Variants in NELL1 observed in about 807,000 individuals in gnomAD.
The protein encoded by NELL1 is neural EGFL like 1, also known as protein kinase C-binding protein NELL1.
Under a neutral mutation model 107.4 loss-of-function variants are expected in NELL1, and 76 were observed. The observed-to-expected ratio is 0.71, with a 90% CI of 0.59 to 0.86. The LOEUF (loss-of-function observed/expected upper bound fraction) is 0.86. Ranked by LOEUF, NELL1 falls within the 40% of genes least tolerant of loss-of-function variation. NELL1 has a pLI of 0.00. For missense variants in NELL1, 1,024 were observed against 1,005.5 expected (o/e 1.02, Z -0.25); for synonymous variants, 353 against 341.2 (o/e 1.03, Z -0.38).
At chr11:20,833,487 A>C (rs958169506) in intron 3 of NELL1, among the ~76,000 whole-genome samples, 3 of 152,146 alleles carry the variant, frequency 2.0e-5, no homozygotes, top group Non-Finnish European at 4.4e-5. Context: ...ATTTATTCCA[A>C]AAATATTTAT....
At chr11:21,148,643 A>C (rs1261349152) in intron 13 of NELL1, among the ~76,000 whole-genome samples, 1 of 152,132 alleles carries the variant, frequency 6.6e-6, no homozygotes, top group Non-Finnish European at 1.5e-5. Context: ...CTGAAAGTTA[A>C]TTAGAGGAAA....
At chr11:21,271,836 G>T (rs1159722151) in intron 14 of NELL1, among the ~76,000 whole-genome samples, 1 of 152,184 alleles carries the variant, frequency 6.6e-6, no homozygotes, top group Non-Finnish European at 1.5e-5. Flanking sequence ...AAAATCATTT[G>T]AATTGATGTG....
intron 15 of NELL1, among the ~76,000 whole-genome samples, chr11:21,520,307 C>G (rs1855685856): frequency 1.3e-5 from 2 of 152,134 alleles, no homozygotes; most frequent in African/African-American, 4.8e-5. Context: ...GATTTTACCT[C>G]TTGCTCTAGG....
At chr11:20,686,042 A>G (rs766204341) in intron 2 of NELL1, among the ~76,000 whole-genome samples, 1 of 152,076 alleles carries the variant, frequency 6.6e-6, no homozygotes, top group African/African-American at 2.4e-5. Context: ...TAAGAATTCA[A>G]TGACTACATA....
intron 4 of NELL1, among the ~76,000 whole-genome samples, chr11:20,861,116 T>A (rs926310705): frequency 9.9e-5 from 15 of 152,194 alleles, no homozygotes; most frequent in Non-Finnish European, 1.5e-4. Context: ...CTTTAATTTT[T>A]AAAAATTATG....
intron 15 of NELL1, among the ~76,000 whole-genome samples, chr11:21,396,920 G>T (rs1464246856): frequency 6.6e-6 from 1 of 151,690 alleles, no homozygotes; most frequent in Non-Finnish European, 1.5e-5. Flanking sequence ...AGCTAGGTGG[G>T]ATTGTACTTA....
At chr11:20,714,964 A>C (rs898275976) in intron 2 of NELL1, among the ~76,000 whole-genome samples, 12 of 152,184 alleles carry the variant, frequency 7.9e-5, no homozygotes, top group African/African-American at 9.6e-5. Context: ...AAATTATAGG[A>C]CGGGAGCGGT....
intron 1 of NELL1, among the ~76,000 whole-genome samples, chr11:20,671,801 A>G (rs1380722491): frequency 6.6e-6 from 1 of 152,046 alleles, no homozygotes; most frequent in Non-Finnish European, 1.5e-5. Context: ...GTAGGAGTAT[A>G]AGTTTGTATT....
intron 3 of NELL1, among the ~76,000 whole-genome samples, chr11:20,839,559 C>T (rs753021308): frequency 6.6e-5 from 10 of 152,250 alleles, no homozygotes; most frequent in Non-Finnish European, 1.3e-4. Context: ...GTGTTGGATA[C>T]TAGGCAGTTT....
intron 12 of NELL1, among the ~76,000 whole-genome samples, chr11:21,077,450 A>G (rs1854164418): frequency 6.6e-6 from 1 of 152,182 alleles, no homozygotes; most frequent in South Asian, 2.1e-4. Context: ...AAAATTCAAG[A>G]GCAGAATTAG....
At chr11:20,887,659 T>G (rs2134110548) in intron 5 of NELL1, among the ~76,000 whole-genome samples, 1 of 152,258 alleles carries the variant, frequency 6.6e-6, no homozygotes, top group Non-Finnish European at 1.5e-5. Flanking sequence ...AAAATAATAC[T>G]TCCCAGAGAA....
Position 20,731,695 on chromosome 11 carries a change from C to T in NELL1, c.185-51985C>T, listed in dbSNP as rs116161482. On this transcript the variant is annotated intron_variant, in intron 2 of 19. Coordinates refer to ENST00000357134, the MANE Select transcript of NELL1 (RefSeq NM_006157.5). ...TTAGGTAACTTACCTCTCTGCACAT[C>T]AGTTTTCTTATCTGTCAAGTCAGAA... is the stretch of plus-strand genomic sequence containing the variant. Among the ~76,000 whole-genome samples, 1,096 of 152,332 alleles carry T rather than the reference C, an allele frequency of 7.2e-3. 10 individuals are homozygous for T. The highest frequency in any genetic ancestry group is 0.025 in the African/African-American group (1,028 of 41,570).
At chr11:21,315,361 C>T (rs75378378) in intron 14 of NELL1, among the ~76,000 whole-genome samples, 3,633 of 152,122 alleles carry the variant, frequency 0.024, 147 homozygotes, top group African/African-American at 0.084. Context: ...AGTTCAGTGA[C>T]CCAGTTAAGA....
intron 12 of NELL1, among the ~76,000 whole-genome samples, chr11:20,989,731 A>G (rs9804622): frequency 0.38 from 57,308 of 151,960 alleles, 11,526 homozygotes; most frequent in East Asian, 0.59. Flanking sequence ...GGTGGCTCAC[A>G]CCTGTAATCA....
At chr11:20,743,164 C>T (rs1243661776) in intron 2 of NELL1, among the ~76,000 whole-genome samples, 1 of 151,914 alleles carries the variant, frequency 6.6e-6, no homozygotes, top group Non-Finnish European at 1.5e-5. Context: ...ATCAGCCTGG[C>T]CAACATGGTG....
At chr11:20,705,149 A>T (rs929268303) in intron 2 of NELL1, among the ~76,000 whole-genome samples, 9 of 152,008 alleles carry the variant, frequency 5.9e-5, no homozygotes, top group East Asian at 1.9e-4. Context: ...CTTCACAGAA[A>T]TGGAAAAAAC....
intron 13 of NELL1, among the ~76,000 whole-genome samples, chr11:21,167,602 T>C (rs755676313): frequency 2.6e-5 from 4 of 151,904 alleles, no homozygotes; most frequent in Non-Finnish European, 5.9e-5. Flanking sequence ...AATTGACGAA[T>C]ACCTTATTAT....
At chr11:21,173,523 A>G (rs1856650557) in intron 13 of NELL1, among the ~76,000 whole-genome samples, 1 of 151,646 alleles carries the variant, frequency 6.6e-6, no homozygotes, top group African/African-American at 2.4e-5. Context: ...TTTCCTCACT[A>G]CTCCAGGGAA....
At chr11:21,230,106 A>G (rs1858007011) in intron 14 of NELL1, among the ~76,000 whole-genome samples, 1 of 152,024 alleles carries the variant, frequency 6.6e-6, no homozygotes, top group Admixed American at 6.6e-5. Flanking sequence ...CTCTACTCAA[A>G]TGTCTCCTCA....
Sources: allele counts gnomAD v4.1 joint callset (sites outside exome capture counted in the v4.1 genomes callset), GRCh38; gene constraint gnomAD v4.1.1; transcripts MANE v1.5; gene names NCBI Gene and HGNC (gene_info 2026-07-23, HGNC 2026-07-21).